PAXBP1: variants seen among roughly 807,000 people sequenced by gnomAD.
PAXBP1 encodes PAX3- and PAX7-binding protein 1.
PAXBP1 carries 44 observed loss-of-function variants against 119.9 expected under a neutral mutation model. The observed-to-expected ratio is 0.37, with a 90% confidence interval of 0.29 to 0.47. PAXBP1 has a LOEUF of 0.47. Among genes scored for constraint, PAXBP1 ranks in the 20% least tolerant of loss-of-function variants. The probability of loss-of-function intolerance (pLI) is 0.99; values close to 1 mark genes in which losing one functional copy is unlikely to be tolerated. For synonymous variants in PAXBP1, 393 were observed against 406.6 expected (o/e 0.97, Z 0.40); for missense variants, 898 against 1,134.1 (o/e 0.79, Z 2.99).
chr21:32,755,948 C>A, intron 7 of PAXBP1: 1 of 179,012 alleles, frequency 5.6e-6, no homozygotes, highest in Non-Finnish European at 1.2e-5. Context: ...ATTACTAGGG[C>A]GAATAAAATT....
chr21:32,759,800 C>A lies in PAXBP1; in HGVS notation c.1170G>T (p.Leu390Phe). Reference protein sequence around the residue: ...SNEMTPVTIDLVKKQLKDRLD... With the variant: ...SNEMTPVTIDFVKKQLKDRLD... The stretch of plus-strand genomic sequence containing the variant: ...ACCTGTCTTTAAGCTGTTTCTTTAC[C>A]AAATCAATAGTAACGGGAGTCATCT... Residue 390 changes from leucine (L) to phenylalanine (F), a missense_variant, in exon 6 of 18, where the codon TTG (leucine) becomes TTT (phenylalanine). Around this residue, in one of 2 missense-constraint regions of PAXBP1, gnomAD observed 599 missense variants for 852.7 expected, o/e 0.70. Transcript: ENST00000331923. 1 of 1,613,764 alleles carries A rather than the reference C, an allele frequency of 6.2e-7. No individual in the cohort carries two copies. Among genetic ancestry groups the A allele is most frequent in the South Asian group, 1.1e-5 (1 of 91,050 alleles).
chr21:32,753,186 C>T (rs1375762766), intron 8 of PAXBP1, among the ~76,000 whole-genome samples: 3 of 151,758 alleles, frequency 2.0e-5, no homozygotes, highest in East Asian at 1.9e-4. Context: ...CGGCTGGGCA[C>T]GGTGGCTCAC....
chr21:32,752,275 G>A (rs2833946), intron 8 of PAXBP1, among the ~76,000 whole-genome samples: 44,956 of 151,912 alleles, frequency 0.3, 6,698 homozygotes, highest in Middle Eastern at 0.35. Flanking sequence ...AGTGTTTCAG[G>A]GTCTTTATTT....
rs767764107 is a variant in PAXBP1, at chr21:32,771,414, G to T, written c.255C>A (p.Pro85=). 6.5e-7 allele frequency: 1 copy of T among 1,546,588 alleles called. No homozygotes were observed. The highest frequency in any genetic ancestry group is 1.2e-5 in the South Asian group (1 of 86,588). The change falls in exon 1 of 18, where the codon CCC becomes CCA. Residue 85 remains proline, a synonymous_variant. Coordinates refer to ENST00000331923, the MANE Select transcript of PAXBP1 (RefSeq NM_016631.4). ...AGGGFPGGAE[P]GNGLKPRKRP... The stretch of plus-strand genomic sequence containing the variant: ...TCTTGCGCGGCTTCAGCCCGTTGCC[G>T]GGCTCCGCGCCGCCGGGGAAGCCGC...
At chr21:32,752,582 A>G (rs1286657043) in intron 8 of PAXBP1, among the ~76,000 whole-genome samples, 2 of 152,224 alleles carry the variant, frequency 1.3e-5, no homozygotes, top group Non-Finnish European at 2.9e-5. Flanking sequence ...CAGGAAAAAC[A>G]AAACCAAAAT....
In PAXBP1 at chr21:32,759,941, C is replaced by G. The variant is rs976048457; in HGVS notation, c.1029G>C (p.Gln343His). The G allele has an allele frequency of 1.2e-6, 2 of 1,613,950 alleles. No individual in the cohort carries two copies. The highest frequency in any genetic ancestry group is 2.7e-5 in the African/African-American group (2 of 74,908). ...CATAGGATGAGCCGTAAGGCATTGT[C>G]TGGTAAGTGTTCTGGTAGTACATAT... is the stretch of plus-strand genomic sequence containing the variant. ...EVNMYYQNTY[Q>H]TMPYGSSYGI... The change falls in exon 6 of 18, where the codon CAG becomes CAC. Residue 343 changes from glutamine to histidine, a missense_variant. Around this residue, in one of 2 missense-constraint regions of PAXBP1, gnomAD observed 599 missense variants for 852.7 expected, o/e 0.70. Coordinates refer to ENST00000331923, the MANE Select transcript of PAXBP1 (RefSeq NM_016631.4).
chr21:32,736,959 A>G (rs1172712777), intron 17 of PAXBP1, among the ~76,000 whole-genome samples: 1 of 152,214 alleles, frequency 6.6e-6, no homozygotes, highest in East Asian at 1.9e-4. Flanking sequence ...TCCAAACAAG[A>G]GAGTCTGAGA....
intron 17 of PAXBP1, among the ~76,000 whole-genome samples, chr21:32,736,032 G>A (rs1286602742): frequency 6.6e-6 from 1 of 151,970 alleles, no homozygotes; most frequent in Non-Finnish European, 1.5e-5. Context: ...CAGAAACACT[G>A]TTAAATATAT....
At chr21:32,764,921 T>A (rs1299982947) in intron 2 of PAXBP1, among the ~76,000 whole-genome samples, 1 of 152,236 alleles carries the variant, frequency 6.6e-6, no homozygotes, top group African/African-American at 2.4e-5. Flanking sequence ...TGTTAGTATT[T>A]CATTAAACCC....
chr21:32,759,413 T>C, intron 6 of PAXBP1, 144 bp from the exon 7 acceptor site: 2 of 898,132 alleles, frequency 2.2e-6, no homozygotes, highest in Non-Finnish European at 3.2e-6. Flanking sequence ...CTGTACTGCT[T>C]TTTTTCTCAA....
At chr21:32,753,425 CAAAAAAAAAA>C (rs757858309) in intron 8 of PAXBP1, among the ~76,000 whole-genome samples, 1 of 91,000 alleles carries the variant, frequency 1.1e-5, no homozygotes, top group Non-Finnish European at 2.3e-5. Flanking sequence ...GACTCCGTCT[CAAAAAAAAAA>C]AAAAAAAAAA....
At chr21:32,736,098 A>T (rs371370675) in intron 17 of PAXBP1, among the ~76,000 whole-genome samples, 3 of 152,262 alleles carry the variant, frequency 2.0e-5, no homozygotes, top group Non-Finnish European at 4.4e-5. Flanking sequence ...ACAGAGAAAA[A>T]AATATTAGTG....
chr21:32,753,236 A>C (rs1447794007), intron 8 of PAXBP1, among the ~76,000 whole-genome samples: 1 of 151,942 alleles, frequency 6.6e-6, no homozygotes, highest in Admixed American at 6.5e-5. Context: ...AGGCTGGTGG[A>C]TCACGAGGTC....
chr21:32,769,802 T>C lies in PAXBP1; in HGVS notation c.472+12A>G, dbSNP rs1479580569. On this transcript the variant is annotated intron_variant, in intron 2 of 17. Coordinates refer to ENST00000331923, the MANE Select transcript of PAXBP1 (RefSeq NM_016631.4). ...TGTCATTTCAAAAGAATTCAATTAGTTTGGTACTTACTTTCAGCTGATGAG... is the reference window on the plus strand; with the variant it reads ...TGTCATTTCAAAAGAATTCAATTAGCTTGGTACTTACTTTCAGCTGATGAG... 6.2e-7 allele frequency: 1 copy of C among 1,600,152 alleles called. No homozygotes were observed. The highest frequency in any genetic ancestry group is 1.3e-5 in the African/African-American group (1 of 74,218).
intron 2 of PAXBP1, among the ~76,000 whole-genome samples, chr21:32,766,831 G>A (rs112391395): frequency 1.8e-3 from 271 of 152,344 alleles, no homozygotes; most frequent in Middle Eastern, 6.8e-3. Context: ...AAGCCCTCAA[G>A]AGAAACGCTG....
chr21:32,748,330 C>T (rs1162175538), intron 11 of PAXBP1, among the ~76,000 whole-genome samples, 169 bp downstream of exon 11: 1 of 152,102 alleles, frequency 6.6e-6, no homozygotes, highest in Non-Finnish European at 1.5e-5. Flanking sequence ...AGACATGAAA[C>T]TTAAAAGGAA....
At chr21:32,766,914 CCAT>C (rs925625406) in intron 2 of PAXBP1, among the ~76,000 whole-genome samples, 1 of 152,170 alleles carries the variant, frequency 6.6e-6, no homozygotes, top group Non-Finnish European at 1.5e-5. Context: ...ACACAAGCGA[CCAT>C]CATCTTCCTG....
At chr21:32,764,293 A>G in intron 3 of PAXBP1, 55 bp downstream of exon 3, 1 of 1,521,636 alleles carries the variant, frequency 6.6e-7, no homozygotes, top group Non-Finnish European at 9.0e-7. Context: ...ATCTTTAAAG[A>G]TGGCCCATTC....
intron 6 of PAXBP1, 126 bp from the exon 7 acceptor site, chr21:32,759,395 C>A: frequency 1.0e-6 from 1 of 997,644 alleles, no homozygotes; most frequent in African/African-American, 1.6e-5. Flanking sequence ...GGAATGGCAT[C>A]TTTTCCTCTG....
Sources: allele counts gnomAD v4.1 joint callset (sites outside exome capture counted in the v4.1 genomes callset), GRCh38; gene constraint gnomAD v4.1.1; regional missense constraint gnomAD v4.1.1; transcripts MANE v1.5; gene names NCBI Gene and HGNC (gene_info 2026-07-23, HGNC 2026-07-21).